Variants in PSD3 observed in about 807,000 individuals in gnomAD.
PSD3 encodes the protein pleckstrin and Sec7 domain containing 3, also known as PH and SEC7 domain-containing protein 3.
Under a neutral mutation model 105.5 loss-of-function variants are expected in PSD3, and 49 were observed. The observed-to-expected ratio is 0.46, with a 90% CI of 0.37 to 0.59. The LOEUF is 0.59. Ranked by LOEUF, PSD3 falls within the 20% of genes least tolerant of loss-of-function variation. PSD3 has a pLI of 0.00. For synonymous variants in PSD3, 557 were observed against 457.8 expected (o/e 1.22, Z -2.77); for missense variants, 1,561 against 1,263.8 (o/e 1.24, Z -3.57).
At chr8:18,911,794 C>A in intron 2 of PSD3, among the ~76,000 whole-genome samples, 1 of 151,948 alleles carries the variant, frequency 6.6e-6, no homozygotes, top group East Asian at 1.9e-4. Flanking sequence ...ACACACTCTA[C>A]CCCCCACCAC....
chr8:19,001,758 T>C (rs1449045370), intron 1 of PSD3: 1 of 153,462 alleles, frequency 6.5e-6, no homozygotes, highest in Non-Finnish European at 1.5e-5. Flanking sequence ...AGAAGGAAGG[T>C]ATTCAGATGA....
intron 2 of PSD3, among the ~76,000 whole-genome samples, chr8:18,883,573 A>G (rs1244328211): frequency 2.0e-5 from 3 of 152,194 alleles, no homozygotes; most frequent in Non-Finnish European, 4.4e-5. Context: ...CAAAACCTGT[A>G]TATTATTATT....
intron 2 of PSD3, among the ~76,000 whole-genome samples, chr8:18,877,968 C>A (rs1004158612): frequency 2.6e-5 from 4 of 152,154 alleles, no homozygotes; most frequent in African/African-American, 9.7e-5. Flanking sequence ...TCACTCTTGG[C>A]CCCTTGAATT....
At chr8:18,800,086 A>G (rs1230728398) in intron 7 of PSD3, among the ~76,000 whole-genome samples, 7 of 152,212 alleles carry the variant, frequency 4.6e-5, no homozygotes, top group Non-Finnish European at 1.0e-4. Context: ...CACAAGTTCT[A>G]CATATATTTA....
intron 2 of PSD3, among the ~76,000 whole-genome samples, chr8:18,934,163 T>A (rs1339361363): frequency 6.6e-6 from 1 of 152,190 alleles, no homozygotes; most frequent in Non-Finnish European, 1.5e-5. Flanking sequence ...CCATCTAACA[T>A]GTGAGTCAAA....
intron 9 of PSD3, among the ~76,000 whole-genome samples, chr8:18,704,214 G>A (rs17696064): frequency 0.026 from 3,892 of 152,232 alleles, 354 homozygotes; most frequent in East Asian, 0.16. Flanking sequence ...AAATAAGAAT[G>A]TGCTTTACTC....
intron 12 of PSD3, among the ~76,000 whole-genome samples, chr8:18,588,601 T>C (rs1563352070): frequency 6.6e-6 from 1 of 152,204 alleles, no homozygotes; most frequent in Non-Finnish European, 1.5e-5. Flanking sequence ...CTGCCAGGCT[T>C]TTCTCTTTAT....
chr8:18,738,107 G>T (rs1470529102), intron 9 of PSD3, among the ~76,000 whole-genome samples: 1 of 152,196 alleles, frequency 6.6e-6, no homozygotes, highest in Non-Finnish European at 1.5e-5. Context: ...TGGGGTCACA[G>T]GGAAAGAAGA....
intron 1 of PSD3, among the ~76,000 whole-genome samples, chr8:18,991,353 T>TAC (rs879892424): frequency 3.3e-3 from 189 of 57,524 alleles, no homozygotes; most frequent in Admixed American, 0.011. Flanking sequence ...CACACACACA[T>TAC]ACACACACAC....
intron 12 of PSD3, among the ~76,000 whole-genome samples, chr8:18,586,884 AAG>A (rs1169407701): frequency 6.6e-6 from 1 of 152,128 alleles, no homozygotes; most frequent in Non-Finnish European, 1.5e-5. Context: ...GGTGTGGAGA[AAG>A]AGAGAATGGA....
chr8:18,795,413 G>A (rs1333480179), intron 8 of PSD3, among the ~76,000 whole-genome samples: 2 of 152,196 alleles, frequency 1.3e-5, no homozygotes, highest in Non-Finnish European at 1.5e-5. Context: ...GGAGAACAGA[G>A]GGATGCTGGA....
chr8:18,677,421 TA>T (rs112042305), intron 9 of PSD3, among the ~76,000 whole-genome samples: 1,830 of 148,710 alleles, frequency 0.012, 30 homozygotes, highest in African/African-American at 0.042. Flanking sequence ...CTATTAAAAA[TA>T]AAAAAAAAAT....
intron 8 of PSD3, among the ~76,000 whole-genome samples, chr8:18,766,282 C>T (rs1806993782): frequency 6.6e-6 from 1 of 151,916 alleles, no homozygotes; most frequent in South Asian, 2.1e-4. Flanking sequence ...TGCAGTGAGT[C>T]GAGACTGCAC....
At chr8:18,719,641 C>G (rs909397888) in intron 9 of PSD3, among the ~76,000 whole-genome samples, 1 of 152,164 alleles carries the variant, frequency 6.6e-6, no homozygotes, top group Non-Finnish European at 1.5e-5. Context: ...TATTCTTGAA[C>G]ATTTGCAGGT....
intron 4 of PSD3, among the ~76,000 whole-genome samples, chr8:18,806,177 T>C (rs975644506): frequency 3.3e-5 from 5 of 152,196 alleles, no homozygotes; most frequent in African/African-American, 7.2e-5. Flanking sequence ...TTTGAGTGCA[T>C]GACAGTGGAG....
chr8:19,072,968 C>T (rs149068016), intron 1 of PSD3, among the ~76,000 whole-genome samples: 1 of 152,168 alleles, frequency 6.6e-6, no homozygotes, highest in African/African-American at 2.4e-5. Context: ...AACCCTGAGA[C>T]TATCCGAGAC....
At chr8:18,592,263 C>G (rs1426369450) in intron 12 of PSD3, among the ~76,000 whole-genome samples, 1 of 151,940 alleles carries the variant, frequency 6.6e-6, no homozygotes, top group Non-Finnish European at 1.5e-5. Flanking sequence ...ATGAGAGGCT[C>G]AAGAGCAGAA....
intron 10 of PSD3, among the ~76,000 whole-genome samples, chr8:18,653,266 A>C (rs1361378777): frequency 6.6e-6 from 1 of 152,184 alleles, no homozygotes; most frequent in Non-Finnish European, 1.5e-5. Context: ...TGAAGATAGA[A>C]ATTATACGAT....
At chr8:18,770,822 G>A (rs1015603603) in intron 8 of PSD3, among the ~76,000 whole-genome samples, 16 of 152,350 alleles carry the variant, frequency 1.1e-4, no homozygotes, top group African/African-American at 3.6e-4. Context: ...AAGGGTCAGT[G>A]TGACAGCCTT....
Sources: gnomAD v4.1 joint callset for allele counts (sites outside exome capture counted in the v4.1 genomes callset) on GRCh38, gnomAD v4.1.1 for gene constraint, MANE v1.5 for transcripts, NCBI Gene and HGNC (gene_info 2026-07-23, HGNC 2026-07-21) for gene names.